GPM6A: variants seen among roughly 807,000 people sequenced by gnomAD.
GPM6A encodes neuronal membrane glycoprotein M6-a.
Under a neutral mutation model 32.1 loss-of-function variants are expected in GPM6A, and 7 were observed. The observed-to-expected ratio is 0.22, with a 90% CI of 0.12 to 0.41. The LOEUF (loss-of-function observed/expected upper bound fraction) is 0.41. Ranked by LOEUF, GPM6A falls within the 10% of genes least tolerant of loss-of-function variation. The probability of loss-of-function intolerance (pLI) is 1.00; values close to 1 mark genes in which losing one functional copy is unlikely to be tolerated. For synonymous variants in GPM6A, 130 were observed against 123.4 expected, an observed-to-expected ratio of 1.05 and a Z score of -0.35; for missense variants, 235 against 347.2, an observed-to-expected ratio of 0.68 and a Z score of 2.57.
At chr4:175,912,908 C>G (rs76569880) in intron 1 of GPM6A, among the ~76,000 whole-genome samples, 5 of 152,020 alleles carry the variant, frequency 3.3e-5, no homozygotes, top group Non-Finnish European at 7.4e-5. Context: ...TGTTCATTAT[C>G]AATAAAATGA....
At chr4:175,713,612 A>T (rs2111097451) in intron 1 of GPM6A, among the ~76,000 whole-genome samples, 1 of 152,340 alleles carries the variant, frequency 6.6e-6, no homozygotes, top group African/African-American at 2.4e-5. Context: ...AAGTCAAAGT[A>T]AATATTTGAA....
chr4:175,849,903 A>C (rs1736200012), intron 1 of GPM6A, among the ~76,000 whole-genome samples: 1 of 152,182 alleles, frequency 6.6e-6, no homozygotes. Context: ...AGGATGAGCA[A>C]GATATGGTAA....
intron 1 of GPM6A, among the ~76,000 whole-genome samples, chr4:175,880,039 A>C (rs968021251): frequency 2.8e-4 from 42 of 152,344 alleles, no homozygotes; most frequent in Admixed American, 8.5e-4. Context: ...TTAAGTCTTT[A>C]ATCCATCTTG....
chr4:175,952,628 T>A (rs568816086), intron 1 of GPM6A, among the ~76,000 whole-genome samples: 1 of 152,308 alleles, frequency 6.6e-6, no homozygotes, highest in East Asian at 1.9e-4. Context: ...TTTGTGTACA[T>A]CTTTCCTGAA....
chr4:175,861,583 C>T (rs974758641), intron 1 of GPM6A, among the ~76,000 whole-genome samples: 61 of 151,668 alleles, frequency 4.0e-4, no homozygotes, highest in African/African-American at 1.3e-3. Flanking sequence ...AAAACTCCAT[C>T]TCCACTAAAA....
chr4:175,973,099 T>C (rs888121966), intron 1 of GPM6A, among the ~76,000 whole-genome samples: 5 of 152,134 alleles, frequency 3.3e-5, no homozygotes, highest in Admixed American at 2.0e-4. Context: ...ACCAGAAGTT[T>C]AAAGAAATAG....
chr4:175,638,194 T>G (rs1266534530), intron 6 of GPM6A, among the ~76,000 whole-genome samples: 1 of 151,350 alleles, frequency 6.6e-6, no homozygotes, highest in East Asian at 1.9e-4. Flanking sequence ...TATTCTCAAT[T>G]TTTAATATTA....
At chr4:175,694,513 C>T (rs1744469497) in intron 2 of GPM6A, among the ~76,000 whole-genome samples, 1 of 152,064 alleles carries the variant, frequency 6.6e-6, no homozygotes, top group Non-Finnish European at 1.5e-5. Context: ...TGTCTCTGCT[C>T]TAGAGATCTA....
chr4:175,769,748 T>A (rs1733114069), intron 1 of GPM6A, among the ~76,000 whole-genome samples: 1 of 152,244 alleles, frequency 6.6e-6, no homozygotes, highest in South Asian at 2.1e-4. Context: ...AATGCTAAAC[T>A]TGCCTGCTAA....
intron 1 of GPM6A, among the ~76,000 whole-genome samples, chr4:175,929,300 AT>A (rs1222646222): frequency 2.6e-5 from 4 of 152,196 alleles, no homozygotes; most frequent in Non-Finnish European, 4.4e-5. Flanking sequence ...CTCAGTCAAA[AT>A]ATTTTGAAAA....
exon 1 of GPM6A, chr4:176,002,314 G>GC: frequency 1.3e-6 from 2 of 1,596,720 alleles, no homozygotes; most frequent in Non-Finnish European, 1.7e-6. Flanking sequence ...CTCACCCATG[G>GC]CCCGAGGTCC....
chr4:175,640,279 A>G lies in GPM6A; in HGVS notation c.619-85T>C, dbSNP rs920860484. The G allele has an allele frequency of 6.0e-6, 6 of 1,006,926 alleles. No homozygotes were observed. The African/African-American group carries it at 9.5e-5, about 16-fold the overall frequency. The allele number at this position is 1,006,926 out of a possible 1,614,324, so 62.4% of individuals were successfully genotyped here. A position where few individuals can be genotyped will look rare whatever the true frequency, so the allele number is the denominator to read the frequency against. ...AGATTGCTACTGTCTTATAAACAAG[A>G]CTTTGTACATCTTAAATAAAAGCGA... On this transcript the variant is annotated intron_variant, in intron 5 of 6. Coordinates refer to ENST00000393658, the MANE Select transcript of GPM6A (RefSeq NM_201591.3).
At chr4:175,708,363 TTTTATTTATTTA>T (rs57574939) in intron 1 of GPM6A, among the ~76,000 whole-genome samples, 13 of 142,278 alleles carry the variant, frequency 9.1e-5, no homozygotes, top group South Asian at 4.6e-4. Flanking sequence ...AGAAGGTTTA[TTTTATTTATTTA>T]TTTATTTATT....
At chr4:175,739,384 T>C (rs1195027305) in intron 1 of GPM6A, among the ~76,000 whole-genome samples, 1 of 152,130 alleles carries the variant, frequency 6.6e-6, no homozygotes, top group Non-Finnish European at 1.5e-5. Flanking sequence ...AGACATGAGA[T>C]CTGCCATATT....
At chr4:175,880,248 CT>C (rs1377428450) in intron 1 of GPM6A, among the ~76,000 whole-genome samples, 1 of 152,138 alleles carries the variant, frequency 6.6e-6, no homozygotes, top group Non-Finnish European at 1.5e-5. Context: ...TGGTGTATAT[CT>C]CTGTTTTGGT....
At chr4:175,756,960 C>T (rs531383731) in intron 1 of GPM6A, among the ~76,000 whole-genome samples, 2 of 151,946 alleles carry the variant, frequency 1.3e-5, no homozygotes, top group Non-Finnish European at 2.9e-5. Context: ...AAATATGGGG[C>T]AATGGGTGGG....
intron 1 of GPM6A, among the ~76,000 whole-genome samples, chr4:175,805,752 CT>C (rs925264762): frequency 9.2e-5 from 14 of 152,078 alleles, no homozygotes; most frequent in Non-Finnish European, 1.6e-4. Flanking sequence ...GTCATTCTTC[CT>C]TTTTTCTCTG....
chr4:175,835,216 A>G (rs1436463844), intron 1 of GPM6A, among the ~76,000 whole-genome samples: 2 of 152,228 alleles, frequency 1.3e-5, no homozygotes, highest in Admixed American at 1.3e-4. Flanking sequence ...GCACATGAGA[A>G]TATCATACAC....
intron 3 of GPM6A, among the ~76,000 whole-genome samples, chr4:175,669,806 G>T (rs762049073): frequency 3.6e-4 from 55 of 152,108 alleles, no homozygotes; most frequent in Non-Finnish European, 7.5e-4. Flanking sequence ...ACTAGGGTGG[G>T]CTCTATTCCC....
Sources: allele counts gnomAD v4.1 joint callset (sites outside exome capture counted in the v4.1 genomes callset), GRCh38; gene constraint gnomAD v4.1.1; transcripts MANE v1.5; gene names NCBI Gene and HGNC (gene_info 2026-07-23, HGNC 2026-07-21).